The following TG variants were observed in gnomAD, a reference collection of about 807,000 sequenced individuals.
TG encodes thyroid hormones.
TG carries 270 observed loss-of-function variants against 324.7 expected under a neutral mutation model. The observed-to-expected ratio is 0.83, with a 90% confidence interval of 0.75 to 0.92. TG has a LOEUF of 0.92. TG is among the 40% of genes least tolerant of loss of function. TG has a pLI of 0.00. For synonymous variants in TG, 1,401 were observed against 1,327.0 expected (o/e 1.06, Z -1.21); for missense variants, 3,591 against 3,456.4 (o/e 1.04, Z -0.98).
intron 41 of TG, chr8:133,059,302 C>T: frequency 5.5e-6 from 2 of 364,668 alleles, no homozygotes; most frequent in Non-Finnish European, 1.1e-5. Context: ...CAAGACCCCA[C>T]AATATGAGAA....
chr8:132,937,968 A>G (rs1029483379), intron 25 of TG, among the ~76,000 whole-genome samples: 1 of 152,174 alleles, frequency 6.6e-6, no homozygotes, highest in Non-Finnish European at 1.5e-5. Flanking sequence ...TGTGCCCGGC[A>G]GCCGTTCTAG....
chr8:133,081,650 T>C (rs1017623351), intron 41 of TG, among the ~76,000 whole-genome samples: 7 of 152,198 alleles, frequency 4.6e-5, no homozygotes, highest in Admixed American at 2.0e-4. Context: ...TGCACAGATA[T>C]GTTGATTCGT....
chr8:133,127,254 C>CT (rs1471899103), intron 45 of TG, among the ~76,000 whole-genome samples: 2 of 152,206 alleles, frequency 1.3e-5, no homozygotes. Flanking sequence ...ATCCTGTTTG[C>CT]TGATAAGCCC....
chr8:132,940,758 A>T (rs576046074), intron 25 of TG, among the ~76,000 whole-genome samples: 3 of 152,350 alleles, frequency 2.0e-5, no homozygotes, highest in Admixed American at 6.5e-5. Context: ...TATTGTGTAC[A>T]GTCCTGAGTT....
In TG at chr8:132,882,973, G is replaced by A. The variant is rs113998044; in HGVS notation, c.1049G>A (p.Arg350Gln). 221 of 1,614,008 alleles carry A rather than the reference G, an allele frequency of 1.4e-4. 2 individuals carry two copies. Among genetic ancestry groups the A allele is most frequent in the Non-Finnish European group, 1.7e-4 (203 of 1,179,964 alleles). Reference sequence around the variant, plus strand: ...CAGGGGAAGGAAATGCATGGAACCCGGCAGCAAGGGGAGCCGCCATCTTGT... The same window carrying A: ...CAGGGGAAGGAAATGCATGGAACCCAGCAGCAAGGGGAGCCGCCATCTTGT... ...DAQGKEMHGT[R>Q]QQGEPPSCAE... The change falls in exon 8 of 48, where the codon CGG (arginine) becomes CAG (glutamine). Residue 350 changes from arginine to glutamine, a missense_variant. Arg to Gln is a conservative substitution (Grantham distance 43). Transcript: ENST00000220616.
At chr8:132,899,777 C>T (rs895534569) in intron 14 of TG, among the ~76,000 whole-genome samples, 6 of 152,184 alleles carry the variant, frequency 3.9e-5, no homozygotes, top group African/African-American at 1.2e-4. Flanking sequence ...GAAGGGATTA[C>T]AGAGTGGAGC....
At chr8:133,131,618 C>T (rs577685565) in intron 45 of TG, among the ~76,000 whole-genome samples, 194 bp from the exon 46 acceptor site, 11 of 152,280 alleles carry the variant, frequency 7.2e-5, no homozygotes, top group South Asian at 6.2e-4. Context: ...TGGATCTCCC[C>T]GCAAGGGGCC....
chr8:133,002,975 T>A (rs1833683256), intron 35 of TG: 1 of 1,019,278 alleles, frequency 9.8e-7, no homozygotes, highest in Non-Finnish European at 1.2e-6. Context: ...TCACCTTTCT[T>A]ACAGATTCAC....
chr8:133,067,812 G>GAAA lies in TG; in HGVS notation c.7240-27232_7240-27231insAAA, dbSNP rs1224876909. Among the ~76,000 whole-genome samples the GAAA allele has an allele frequency of 6.4e-3, 742 of 116,594 alleles. 14 individuals carry two copies. The highest frequency in any genetic ancestry group is 0.02 in the African/African-American group (702 of 35,080). The allele number at this position is 116,594 out of a possible 152,430, so 76.5% of individuals were successfully genotyped here. On this transcript the variant is annotated intron_variant, in intron 41 of 47. Transcript: ENST00000220616. ...AAAGAAAAAGAAAGAAAGAAAGAAA[G>GAAA]GAAGGAAGGAAGGGGGAGAGAGAGA...
intron 41 of TG, among the ~76,000 whole-genome samples, chr8:133,083,894 G>A (rs902844574): frequency 6.6e-6 from 1 of 152,094 alleles, no homozygotes; most frequent in Non-Finnish European, 1.5e-5. Context: ...GTGGTTCCCA[G>A]TTTTCCCCCT....
intron 21 of TG, 73 bp from the exon 22 acceptor site, chr8:132,923,265 G>T: frequency 6.4e-7 from 1 of 1,551,486 alleles, no homozygotes; most frequent in Non-Finnish European, 8.9e-7. Flanking sequence ...GTCAATGACC[G>T]AGAGCCTGGG....
Position 133,065,489 on chromosome 8 carries a change from C to T in TG, c.7240-29555C>T, listed in dbSNP as rs140810644. The stretch of plus-strand genomic sequence containing the variant: ...TTTTTAAAAGTTATCAGGCCGGGCG[C>T]GGTGGCTCACACCTGTGATCCTAGC... On this transcript the variant is annotated intron_variant, in intron 41 of 47. Transcript: ENST00000220616. 5.4e-4 allele frequency among the ~76,000 whole-genome samples: 82 copies of T among 152,272 alleles called. 2 individuals are homozygous for T. The East Asian group carries it at 0.015, about 29-fold the overall frequency.
chr8:132,997,473 T>C (rs1587720356), intron 35 of TG, among the ~76,000 whole-genome samples: 1 of 151,958 alleles, frequency 6.6e-6, no homozygotes, highest in Non-Finnish European at 1.5e-5. Flanking sequence ...GAATGTCAGA[T>C]GTAAAGAGTA....
At chr8:132,895,998 G>C (rs1366569386) in intron 11 of TG, among the ~76,000 whole-genome samples, 2 of 152,358 alleles carry the variant, frequency 1.3e-5, no homozygotes, top group East Asian at 3.9e-4. Context: ...TGAGAGTCTG[G>C]GGATTGAGGG....
intron 40 of TG, among the ~76,000 whole-genome samples, chr8:133,027,891 T>G (rs1329427080): frequency 1.3e-5 from 2 of 152,164 alleles, no homozygotes; most frequent in Non-Finnish European, 2.9e-5. Context: ...TGGACCGTAA[T>G]TGCTTGGTAA....
intron 1 of TG, 47 bp from the exon 2 acceptor site, chr8:132,868,068 C>T: frequency 1.9e-6 from 3 of 1,546,380 alleles, no homozygotes; most frequent in Non-Finnish European, 2.7e-6. Context: ...TCTGTCCTGG[C>T]AGCCCAGTCC....
Position 132,941,355 on chromosome 8 carries a change from A to G in TG, c.5046A>G (p.Gln1682=), listed in dbSNP as rs750115973. Residue 1682 remains glutamine, a synonymous_variant, in exon 26 of 48, where the codon CAA becomes CAG. Transcript: ENST00000220616. ...DSPAVYLKKG[Q]GSTTTLQKRF... ...TTTGTTCTGCCTTTCCCCCAGGCCA[A>G]GGATCCACCACAACACTTCAGAAAC... 6.2e-7 allele frequency: 1 copy of G among 1,614,122 alleles called. No individual in the cohort carries two copies. The highest frequency in any genetic ancestry group is 1.3e-5 in the African/African-American group (1 of 74,932).
chr8:132,960,089 G>A (rs909069081), intron 27 of TG, among the ~76,000 whole-genome samples: 1 of 152,140 alleles, frequency 6.6e-6, no homozygotes, highest in Non-Finnish European at 1.5e-5. Context: ...TGCATGCAGG[G>A]CTTAAAACCT....
intron 19 of TG, among the ~76,000 whole-genome samples, chr8:132,911,994 C>CCCACAGTTCAGCT (rs1370425243): frequency 2.6e-5 from 4 of 152,196 alleles, no homozygotes; most frequent in Non-Finnish European, 2.9e-5. Flanking sequence ...TGGGCATGTG[C>CCCACAGTTCAGCT]CATGTTCAGC....
Sources: gnomAD v4.1 joint callset for allele counts (sites outside exome capture counted in the v4.1 genomes callset) on GRCh38, gnomAD v4.1.1 for gene constraint, MANE v1.5 for transcripts, NCBI Gene and HGNC (gene_info 2026-07-23, HGNC 2026-07-21) for gene names.